SMCO3: variants seen among roughly 807,000 people sequenced by gnomAD.
SMCO3 encodes single-pass membrane and coiled-coil domain-containing protein 3.
SMCO3 carries 6 observed loss-of-function variants against 12.0 expected under a neutral mutation model. That is an observed-to-expected ratio of 0.50 (90% CI 0.27 to 0.99). The LOEUF is 0.99. SMCO3 is among the 50% of genes least tolerant of loss of function. The pLI, the probability that SMCO3 is intolerant of heterozygous loss-of-function variation, is 0.11. For synonymous variants in SMCO3, 96 were observed against 96.4 expected (o/e 1.00, Z 0.02); for missense variants, 279 against 265.0 (o/e 1.05, Z -0.37).
Position 14,806,072 on chromosome 12 carries a change from T to G in SMCO3, c.609A>C (p.Lys203Asn), listed in dbSNP as rs745783395. ...CATGATTATATTTTTCTGAGGCTGA[T>G]TTGAACTCCACCAGATGCTTCTCAT... is the stretch of plus-strand genomic sequence containing the variant. ...KSYEKHLVEF[K>N]SASEKYNHAI... The change falls in exon 2 of 2, where the codon AAA becomes AAC. Residue 203 changes from lysine (K) to asparagine (N), a missense_variant. Physicochemically the swap from Lys to Asn is moderately conservative, Grantham distance 94. Coordinates refer to ENST00000316048, the MANE Select transcript of SMCO3 (RefSeq NM_001013698.2). The G allele has an allele frequency of 1.4e-5, 22 of 1,614,088 alleles. No homozygotes were observed. Among genetic ancestry groups the G allele is most frequent in the Middle Eastern group, 1.6e-4 (1 of 6,084 alleles).
chr12:14,813,498 T>C (rs1187581100), intron 1 of SMCO3, among the ~76,000 whole-genome samples: 2 of 152,230 alleles, frequency 1.3e-5, no homozygotes, highest in African/African-American at 4.8e-5. Flanking sequence ...TTAAAAAATG[T>C]TTCTGACCAG....
intron 1 of SMCO3, among the ~76,000 whole-genome samples, chr12:14,811,608 C>T (rs987405744): frequency 6.6e-6 from 1 of 152,130 alleles, no homozygotes; most frequent in Non-Finnish European, 1.5e-5. Flanking sequence ...GAGAAGTCAA[C>T]ATTTAAGATT....
Position 14,806,525 on chromosome 12 carries a change from G to A in SMCO3, c.156C>T (p.Ala52=). The change falls in exon 2 of 2, where the codon GCC becomes GCT. Residue 52 remains alanine (A), a synonymous_variant. Transcript: ENST00000316048. ...TCCCATCTCTTTTCATCTCAATGGA[G>A]GCCAGCCTGCACCCCAAGTGCATAT... ...VLNMHLGCRL[A]SIEMKRDGTI... is the part of the protein sequence containing the mutation. 2 of 1,614,066 alleles carry A rather than the reference G, an allele frequency of 1.2e-6. No individual in the cohort carries two copies. Among genetic ancestry groups the A allele is most frequent in the Middle Eastern group, 1.6e-4 (1 of 6,062 alleles).
intron 1 of SMCO3, among the ~76,000 whole-genome samples, chr12:14,808,873 G>T (rs1470560068): frequency 6.6e-6 from 1 of 152,134 alleles, no homozygotes; most frequent in Non-Finnish European, 1.5e-5. Flanking sequence ...TCCCTTTAAA[G>T]AAATTGCTTG....
chr12:14,807,231 A>G (rs1346261281), intron 1 of SMCO3, among the ~76,000 whole-genome samples: 1 of 152,212 alleles, frequency 6.6e-6, no homozygotes, highest in African/African-American at 2.4e-5. Flanking sequence ...AAATTAAGTT[A>G]TTAGATTTTG....
intron 1 of SMCO3, among the ~76,000 whole-genome samples, chr12:14,812,727 C>A (rs1395872526): frequency 6.6e-6 from 1 of 151,708 alleles, no homozygotes; most frequent in Non-Finnish European, 1.5e-5. Flanking sequence ...ATTTTTATAG[C>A]AGGATACTGG....
At position 14,805,575 on chromosome 12, in the gene SMCO3, A is replaced by T. The variant is rs143690094; in HGVS notation, c.*428T>A. ...ATTCGAAGGCCTAGAGTTTGTGTCT[A>T]GGCAGAAGTTACTGAGTATGTCCCC... On this transcript the variant is annotated 3_prime_UTR_variant, in exon 2 of 2. Transcript: ENST00000316048. The T allele has an allele frequency of 1.9e-3, 294 of 156,618 alleles. 1 individual carries two copies. In the East Asian group the frequency reaches 0.019, roughly 10 times the overall value. The allele number at this position is 156,618 out of a possible 1,614,324, so 9.7% of individuals were successfully genotyped here. A position where few individuals can be genotyped will look rare whatever the true frequency, so the allele number is the denominator to read the frequency against.
At position 14,806,195 on chromosome 12, in the gene SMCO3, A is replaced by C. The variant is rs1950046320; in HGVS notation, c.486T>G (p.Ser162Arg). Reference sequence around the variant, plus strand: ...CAAGGCCAAGAACAGCAACTCCAATACTACCAAGGAGAGAAGCACCAATTT... The same window carrying C: ...CAAGGCCAAGAACAGCAACTCCAATCCTACCAAGGAGAGAAGCACCAATTT... The part of the protein sequence containing the change: ...LAQIGASLLG[S>R]IGVAVLGLGI... The change falls in exon 2 of 2, where the codon AGT becomes AGG. Residue 162 changes from serine to arginine, a missense_variant. Ser to Arg is a moderately radical substitution (Grantham distance 110). Transcript: ENST00000316048. 1 of 1,613,990 alleles carries C rather than the reference A, an allele frequency of 6.2e-7. No homozygotes were observed. Among genetic ancestry groups the C allele is most frequent in the African/African-American group, 1.3e-5 (1 of 74,904 alleles).
chr12:14,805,411 T>G lies in SMCO3; in HGVS notation c.*592A>C, dbSNP rs920215662. ...ATTTTCAAATCCATCCGGTTTACATTGTGTAATCAGTAGACGTTTACAGAT... is the reference window on the plus strand; with the variant it reads ...ATTTTCAAATCCATCCGGTTTACATGGTGTAATCAGTAGACGTTTACAGAT... On this transcript the variant is annotated 3_prime_UTR_variant, in exon 2 of 2. Coordinates refer to ENST00000316048, the MANE Select transcript of SMCO3 (RefSeq NM_001013698.2). 3 of 152,276 alleles carry G rather than the reference T, an allele frequency of 2.0e-5. No homozygotes were observed. Among genetic ancestry groups the G allele is most frequent in the Non-Finnish European group, 4.4e-5 (3 of 68,078 alleles). The allele number at this position is 152,276 out of a possible 1,614,324, so 9.4% of individuals were successfully genotyped here.
At chr12:14,809,496 TTCTA>T (rs1483810448) in intron 1 of SMCO3, among the ~76,000 whole-genome samples, 5 of 152,300 alleles carry the variant, frequency 3.3e-5, no homozygotes, top group South Asian at 2.1e-4. Context: ...AAGCAGACCC[TTCTA>T]TCTGTTTAAT....
Position 14,806,036 on chromosome 12 carries a change from C to T in SMCO3, c.645G>A (p.Glu215=). 6.2e-7 allele frequency: 1 copy of T among 1,613,804 alleles called. No homozygotes were observed. Among genetic ancestry groups the T allele is most frequent in the Non-Finnish European group, 8.5e-7 (1 of 1,179,836 alleles). Residue 215 remains glutamate, a synonymous_variant, in exon 2 of 2, where the codon GAG becomes GAA. Coordinates refer to ENST00000316048, the MANE Select transcript of SMCO3 (RefSeq NM_001013698.2). The part of the protein sequence containing the change: ...ASEKYNHAIT[E]VINTVKHQMK ...TTTGGTGTTTCACTGTATTGATGAC[C>T]TCAGTAATGGCATGATTATATTTTT...
At chr12:14,808,249 A>G (rs1224336534) in intron 1 of SMCO3, among the ~76,000 whole-genome samples, 14 of 152,158 alleles carry the variant, frequency 9.2e-5, no homozygotes, top group Admixed American at 9.2e-4. Flanking sequence ...CTTTTGGCCT[A>G]CAGTACCTAA....
chr12:14,807,723 A>G (rs1950075481), intron 1 of SMCO3, among the ~76,000 whole-genome samples: 1 of 152,092 alleles, frequency 6.6e-6, no homozygotes, highest in Non-Finnish European at 1.5e-5. Context: ...TACAGGGCAC[A>G]GTGTTAATCA....
chr12:14,809,125 A>G (rs1950098675), intron 1 of SMCO3, among the ~76,000 whole-genome samples: 2 of 152,202 alleles, frequency 1.3e-5, no homozygotes, highest in Admixed American at 1.3e-4. Context: ...CTTATCCTGA[A>G]AAAGTTCAAA....
chr12:14,813,432 T>A (rs1950170451), intron 1 of SMCO3, among the ~76,000 whole-genome samples: 1 of 152,214 alleles, frequency 6.6e-6, no homozygotes, highest in African/African-American at 2.4e-5. Context: ...CTGTGGCCTT[T>A]AATTAAAACA....
rs568291123 is a variant in SMCO3, at chr12:14,805,895, A to G, written c.*108T>C. The G allele has an allele frequency of 2.7e-5, 31 of 1,131,904 alleles. No homozygotes were observed. The African/African-American group carries it at 3.7e-4, about 14-fold the overall frequency. The allele number at this position is 1,131,904 out of a possible 1,614,324, so 70.1% of individuals were successfully genotyped here. The stretch of plus-strand genomic sequence containing the variant: ...TTTCCCTCTCCAAATTGTTTATCTT[A>G]TTTAAGTCCATATTGGAAGCCTATA... On this transcript the variant is annotated 3_prime_UTR_variant, in exon 2 of 2. Coordinates refer to ENST00000316048, the MANE Select transcript of SMCO3 (RefSeq NM_001013698.2).
chr12:14,811,441 T>C (rs761638654), intron 1 of SMCO3, among the ~76,000 whole-genome samples: 2 of 152,182 alleles, frequency 1.3e-5, no homozygotes, highest in Non-Finnish European at 2.9e-5. Context: ...AAAACAAAGT[T>C]TGGAAATTTT....
rs770503888 is a variant in SMCO3, at chr12:14,806,041, T to C, written c.640A>G (p.Thr214Ala). 15 of 1,614,092 alleles carry C rather than the reference T, an allele frequency of 9.3e-6. No homozygotes were observed. The East Asian group carries it at 3.3e-4, about 36-fold the overall frequency. The change falls in exon 2 of 2, where the codon ACT (threonine) becomes GCT (alanine). Residue 214 changes from threonine to alanine, a missense_variant. Physicochemically the swap from Thr to Ala is moderately conservative, Grantham distance 58. Transcript: ENST00000316048. Reference protein sequence around the residue: ...SASEKYNHAITEVINTVKHQM... With the variant: ...SASEKYNHAIAEVINTVKHQM... ...TGTTTCACTGTATTGATGACCTCAGTAATGGCATGATTATATTTTTCTGAG... is the reference window on the plus strand; with the variant it reads ...TGTTTCACTGTATTGATGACCTCAGCAATGGCATGATTATATTTTTCTGAG...
chr12:14,810,990 A>G (rs1274273307), intron 1 of SMCO3, among the ~76,000 whole-genome samples: 2 of 152,214 alleles, frequency 1.3e-5, no homozygotes, highest in African/African-American at 4.8e-5. Flanking sequence ...TCTGAGCCAT[A>G]TACTTTCTCC....
Sources: allele counts gnomAD v4.1 joint callset (sites outside exome capture counted in the v4.1 genomes callset), GRCh38; gene constraint gnomAD v4.1.1; transcripts MANE v1.5; gene names NCBI Gene and HGNC (gene_info 2026-07-23, HGNC 2026-07-21).